Variants in MIS18BP1 observed in about 807,000 individuals in gnomAD.
MIS18BP1 encodes mis18-binding protein 1.
MIS18BP1 carries 72 observed loss-of-function variants against 116.1 expected under a neutral mutation model. The ratio of observed to expected loss-of-function variants is 0.62; its 90% CI spans 0.51 to 0.75. The LOEUF is 0.75. Among genes scored for constraint, MIS18BP1 ranks in the 30% least tolerant of loss-of-function variants. The probability of loss-of-function intolerance (pLI) is 0.00; values close to 1 mark genes in which losing one functional copy is unlikely to be tolerated. For missense variants in MIS18BP1, 1,363 were observed against 1,303.2 expected (o/e 1.05, Z -0.71); for synonymous variants, 386 against 427.0 (o/e 0.90, Z 1.18).
Position 45,253,191 on chromosome 14 carries a change from T to G in MIS18BP1, c.-248A>C, listed in dbSNP as rs1283008237. ...GCGACGCTTACCTCCTCCGCGACGT[T>G]CTCTAACACACAAAACACTTCCGCA... On this transcript the variant is annotated 5_prime_UTR_variant, in exon 1 of 17. Coordinates refer to ENST00000310806, the MANE Select transcript of MIS18BP1 (RefSeq NM_018353.5). 6.6e-6 allele frequency: 1 copy of G among 152,198 alleles called. No homozygotes were observed. Among genetic ancestry groups the G allele is most frequent in the Non-Finnish European group, 1.5e-5 (1 of 68,062 alleles). The allele number at this position is 152,198 out of a possible 1,614,324, so 9.4% of individuals were successfully genotyped here.
intron 1 of MIS18BP1, chr14:45,250,061 TAAAGTCAGATA>T (rs1331150023): frequency 6.6e-6 from 1 of 152,196 alleles, no homozygotes; most frequent in Non-Finnish European, 1.5e-5. Context: ...TGTCTTCATT[TAAAGTCAGATA>T]ATTGTGGTCA....
intron 13 of MIS18BP1, among the ~76,000 whole-genome samples, chr14:45,212,487 T>G (rs997924899): frequency 1.3e-5 from 2 of 152,102 alleles, no homozygotes; most frequent in African/African-American, 2.4e-5. Context: ...TAGGCGACCA[T>G]CCTGTGATGG....
chr14:45,244,466 A>G (rs1891673205), intron 2 of MIS18BP1, among the ~76,000 whole-genome samples: 2 of 152,122 alleles, frequency 1.3e-5, no homozygotes, highest in Non-Finnish European at 2.9e-5. Flanking sequence ...CTCATTAATC[A>G]GCTTAAATTT....
chr14:45,204,375 A>C (rs1890452835), intron 16 of MIS18BP1, 24 bp downstream of exon 16: 1 of 1,593,188 alleles, frequency 6.3e-7, no homozygotes, highest in Non-Finnish European at 8.5e-7. Context: ...ACTGAGCCAC[A>C]AAAGAAAGCT....
chr14:45,250,379 C>T (rs139095202), intron 1 of MIS18BP1, among the ~76,000 whole-genome samples: 1 of 152,196 alleles, frequency 6.6e-6, no homozygotes, highest in African/African-American at 2.4e-5. Context: ...CAGGACACAT[C>T]TGAAGCTCCA....
At position 45,231,274 on chromosome 14, in the gene MIS18BP1, C is replaced by T; in HGVS notation, c.1461G>A (p.Lys487=). The T allele has an allele frequency of 6.2e-7, 1 of 1,610,108 alleles. No individual in the cohort carries two copies. Among genetic ancestry groups the T allele is most frequent in the Non-Finnish European group, 8.5e-7 (1 of 1,178,128 alleles). Residue 487 remains lysine (K), a synonymous_variant, in exon 8 of 17, where the codon AAG becomes AAA. Coordinates refer to ENST00000310806, the MANE Select transcript of MIS18BP1 (RefSeq NM_018353.5). The part of the protein sequence containing the change: ...QLRAGEKNRE[K]TKQKQKTGRS... ...TTCCAGTTTTCTGTTTTTGTTTGGTCTTTTCCCTGTTCTTTTCACCAGCCC... is the reference window on the plus strand; with the variant it reads ...TTCCAGTTTTCTGTTTTTGTTTGGTTTTTTCCCTGTTCTTTTCACCAGCCC...
intron 9 of MIS18BP1, 124 bp from the exon 10 acceptor site, chr14:45,226,960 T>G (rs763063454): frequency 9.2e-5 from 70 of 758,368 alleles, no homozygotes; most frequent in Middle Eastern, 4.2e-4. Context: ...CAAATTTCAT[T>G]AGTGGACACA....
Position 45,217,078 on chromosome 14 carries a change from G to C in MIS18BP1, c.2944C>G (p.Pro982Ala). 1 of 1,614,056 alleles carries C rather than the reference G, an allele frequency of 6.2e-7. No individual in the cohort carries two copies. The highest frequency in any genetic ancestry group is 8.5e-7 in the Non-Finnish European group (1 of 1,179,982). The change falls in exon 13 of 17, where the codon CCA becomes GCA. Residue 982 changes from proline to alanine, a missense_variant. Coordinates refer to ENST00000310806, the MANE Select transcript of MIS18BP1 (RefSeq NM_018353.5). ...QQMREFLEQL[P>A]KDDHDDFFST... The stretch of plus-strand genomic sequence containing the variant: ...AAAAAATCATCATGGTCATCTTTTG[G>C]CAACTGTTCCAGAAATTCCCTCATC...
intron 13 of MIS18BP1, among the ~76,000 whole-genome samples, chr14:45,215,216 CAGTGTAAGCAAAA>C (rs1890782691): frequency 6.6e-6 from 1 of 152,090 alleles, no homozygotes; most frequent in Non-Finnish European, 1.5e-5. Flanking sequence ...CCTCTATAAT[CAGTGTAAGCAAAA>C]AGGGGGCCCA....
At position 45,231,132 on chromosome 14, in the gene MIS18BP1, A is replaced by G. The variant is rs1891262193; in HGVS notation, c.1594+9T>C. ...ACTGTACCAACAGAGAAGTAAAGAC[A>G]AAACATACCCAAATTATCACAATCA... On this transcript the variant is annotated intron_variant, in intron 8 of 16. Transcript: ENST00000310806. The G allele has an allele frequency of 6.2e-7, 1 of 1,610,396 alleles. No individual in the cohort carries two copies. Among genetic ancestry groups the G allele is most frequent in the South Asian group, 1.1e-5 (1 of 90,232 alleles).
At chr14:45,232,667 C>T in intron 7 of MIS18BP1, 66 bp downstream of exon 7, 1 of 886,984 alleles carries the variant, frequency 1.1e-6, no homozygotes, top group Admixed American at 2.5e-5. Context: ...TGGTGGCACA[C>T]ACATAATTAA....
chr14:45,247,470 T>C (rs1272192856), intron 1 of MIS18BP1, 93 bp from the exon 2 acceptor site: 2 of 483,868 alleles, frequency 4.1e-6, no homozygotes, highest in Non-Finnish European at 7.2e-6. Context: ...CTAATTAAAA[T>C]GTTTAACTGG....
At position 45,231,182 on chromosome 14, in the gene MIS18BP1, T is replaced by G. The variant is rs1200056002; in HGVS notation, c.1553A>C (p.Gln518Pro). ...DARENQTDTA[Q>P]RATTTYDFDC... Reference sequence around the variant, plus strand: ...AAAATCGTAAGTGGTGGTGGCTCTTTGAGCAGTATCTGTTTGGTTTTCTCG... The same window carrying G: ...AAAATCGTAAGTGGTGGTGGCTCTTGGAGCAGTATCTGTTTGGTTTTCTCG... The change falls in exon 8 of 17, where the codon CAA becomes CCA. Residue 518 changes from glutamine (Q) to proline (P), a missense_variant. Coordinates refer to ENST00000310806, the MANE Select transcript of MIS18BP1 (RefSeq NM_018353.5). The G allele has an allele frequency of 6.2e-7, 1 of 1,613,846 alleles. No homozygotes were observed. Among genetic ancestry groups the G allele is most frequent in the Non-Finnish European group, 8.5e-7 (1 of 1,179,946 alleles).
At chr14:45,238,794 ACT>A (rs1289256786) in intron 4 of MIS18BP1, among the ~76,000 whole-genome samples, 2 of 152,194 alleles carry the variant, frequency 1.3e-5, no homozygotes, top group East Asian at 1.9e-4. Flanking sequence ...ATGGAACAAG[ACT>A]CTGTCTCAAA....
chr14:45,209,780 T>C (rs969122515), intron 14 of MIS18BP1, among the ~76,000 whole-genome samples: 1 of 152,256 alleles, frequency 6.6e-6, no homozygotes, highest in African/African-American at 2.4e-5. Flanking sequence ...TGTGCATTTA[T>C]AATTTTGATA....
In MIS18BP1 at chr14:45,231,230, C is replaced by T. The variant is rs1294195955; in HGVS notation, c.1505G>A (p.Arg502Lys). 1 of 1,613,620 alleles carries T rather than the reference C, an allele frequency of 6.2e-7. No homozygotes were observed. Among genetic ancestry groups the T allele is most frequent in the Admixed American group, 1.7e-5 (1 of 59,986 alleles). The change falls in exon 8 of 17, where the codon AGG becomes AAG. Residue 502 changes from arginine to lysine, a missense_variant. Coordinates refer to ENST00000310806, the MANE Select transcript of MIS18BP1 (RefSeq NM_018353.5). Reference sequence around the variant, plus strand: ...TCGTGCATCATTTTTCATTGATTTCCTTATGTCACGGACAGATCTTCCAGT... The same window carrying T: ...TCGTGCATCATTTTTCATTGATTTCTTTATGTCACGGACAGATCTTCCAGT... ...QKTGRSVRDI[R>K]KSMKNDAREN...
In MIS18BP1 at chr14:45,218,272, C is replaced by G. The variant is rs755926905; in HGVS notation, c.2842+10G>C. 4 of 1,612,540 alleles carry G rather than the reference C, an allele frequency of 2.5e-6. No homozygotes were observed. Among genetic ancestry groups the G allele is most frequent in the Non-Finnish European group, 3.4e-6 (4 of 1,179,560 alleles). On this transcript the variant is annotated intron_variant, in intron 12 of 16. Transcript: ENST00000310806. Reference sequence around the variant, plus strand: ...GTACTAGGAAAAAAACTATTTACTACGAAGGTTACCATTTTGGCCTTTGGA... The same window carrying G: ...GTACTAGGAAAAAAACTATTTACTAGGAAGGTTACCATTTTGGCCTTTGGA...
chr14:45,210,259 T>C, intron 14 of MIS18BP1, 121 bp downstream of exon 14: 1 of 1,028,054 alleles, frequency 9.7e-7, no homozygotes, highest in South Asian at 1.8e-5. Context: ...AAACTACACA[T>C]TCTTGATTTT....
Position 45,206,132 on chromosome 14 carries a change from T to C in MIS18BP1, c.3191A>G (p.Tyr1064Cys), listed in dbSNP as rs377494773. The C allele has an allele frequency of 1.2e-6, 2 of 1,608,688 alleles. No individual in the cohort carries two copies. Among genetic ancestry groups the C allele is most frequent in the African/African-American group, 2.7e-5 (2 of 74,784 alleles). The change falls in exon 15 of 17, where the codon TAT (tyrosine) becomes TGT (cysteine). Residue 1064 changes from tyrosine (Y) to cysteine (C), a missense_variant. Tyr to Cys is a radical substitution (Grantham distance 194). Transcript: ENST00000310806. ...CDKYVFRMQK[Y>C]HKSNGGIVWG... Reference sequence around the variant, plus strand: ...GACAATACCACCATTACTTTTATGATATTTTTGCATACGAAAAACATATTT... The same window carrying C: ...GACAATACCACCATTACTTTTATGACATTTTTGCATACGAAAAACATATTT...
Sources: allele counts gnomAD v4.1 joint callset (sites outside exome capture counted in the v4.1 genomes callset), GRCh38; gene constraint gnomAD v4.1.1; transcripts MANE v1.5; gene names NCBI Gene and HGNC (gene_info 2026-07-23, HGNC 2026-07-21).